Variants in CFAP74 observed in about 807,000 individuals in gnomAD.
The protein encoded by CFAP74 is cilia and flagella associated protein 74, also known as cilia- and flagella-associated protein 74.
Under a neutral mutation model 188.9 loss-of-function variants are expected in CFAP74, and 124 were observed. The observed-to-expected ratio is 0.66, with a 90% CI of 0.57 to 0.76. CFAP74 has a LOEUF of 0.76. Among genes scored for constraint, CFAP74 ranks in the 30% least tolerant of loss-of-function variants. The pLI is 0.00. For missense variants in CFAP74, 2,198 were observed against 2,165.2 expected, an observed-to-expected ratio of 1.02 and a Z score of -0.30; for synonymous variants, 956 against 916.7, an observed-to-expected ratio of 1.04 and a Z score of -0.77.
chr1:1,944,331 C>T lies in CFAP74; in HGVS notation c.2486G>A (p.Arg829Gln), dbSNP rs543179421. 3.6e-5 allele frequency: 55 copies of T among 1,534,936 alleles called. No individual in the cohort carries two copies. The highest frequency in any genetic ancestry group is 4.2e-5 in the Non-Finnish European group (48 of 1,146,672). Reference sequence around the variant, plus strand: ...TGTGCATGGACAGGAGGGGGCTCACCGCGTGTGCACGAGCACAGAGTCCTG... The same window carrying T: ...TGTGCATGGACAGGAGGGGGCTCACTGCGTGTGCACGAGCACAGAGTCCTG... Reference protein sequence around the residue: ...LYQDSVLVHTRSKAALRLKFE... With the variant: ...LYQDSVLVHTQSKAALRLKFE... The change falls in exon 21 of 39, where the codon CGG becomes CAG. Residue 829 changes from arginine to glutamine, a missense_variant and splice_region_variant. Coordinates refer to ENST00000682832, the MANE Select transcript of CFAP74 (RefSeq NM_001304360.2).
intron 27 of CFAP74, 167 bp from the exon 28 acceptor site, chr1:1,927,913 G>A: frequency 1.5e-6 from 1 of 679,676 alleles, no homozygotes; most frequent in Non-Finnish European, 2.4e-6. Context: ...AGCCAGTGCG[G>A]AGGGGCACAC....
At chr1:1,966,236 T>G (rs574695367) in intron 12 of CFAP74, 135 bp downstream of exon 12, 1 of 764,528 alleles carries the variant, frequency 1.3e-6, no homozygotes, top group Non-Finnish European at 2.0e-6. Context: ...CAGGAGAGGG[T>G]GGCGGGAGAT....
intron 25 of CFAP74, among the ~76,000 whole-genome samples, chr1:1,935,867 T>TACACACACACACACACACACAC (rs35582265): frequency 1.5e-4 from 22 of 147,882 alleles, no homozygotes; most frequent in African/African-American, 4.7e-4. Context: ...TTTTCAGCAC[T>TACACACACACACACACACACAC]ACACACACAC....
chr1:1,965,013 C>G lies in CFAP74; in HGVS notation c.1450G>C (p.Asp484His). Reference sequence around the variant, plus strand: ...ACCGTGCGCTCCAGGATGTCCTTGTCCATCTTTGTCCCGCCCACGGGCTTT... The same window carrying G: ...ACCGTGCGCTCCAGGATGTCCTTGTGCATCTTTGTCCCGCCCACGGGCTTT... The part of the protein sequence containing the change: ...DRKPVGGTKM[D>H]KDILERTVER... The change falls in exon 13 of 39, where the codon GAC becomes CAC. Residue 484 changes from aspartate (D) to histidine (H), a missense_variant. By Grantham distance (81) the Asp-to-His change is moderately conservative. Coordinates refer to ENST00000682832, the MANE Select transcript of CFAP74 (RefSeq NM_001304360.2). The G allele has an allele frequency of 6.2e-7, 1 of 1,613,884 alleles. No individual in the cohort carries two copies. The highest frequency in any genetic ancestry group is 8.5e-7 in the Non-Finnish European group (1 of 1,179,904).
rs762956901 is a variant in CFAP74 at position 1,972,096 on chromosome 1, T to C, written c.786-14A>G. 6 of 1,599,370 alleles carry C rather than the reference T, an allele frequency of 3.8e-6. No individual in the cohort carries two copies. In the Admixed American group the frequency reaches 5.0e-5, roughly 13 times the overall value. Reference sequence around the variant, plus strand: ...TGCTCTCGGATTCTGAGGAAGGACATTTAAACATTTTTGAGGCTCTGTCGC... The same window carrying C: ...TGCTCTCGGATTCTGAGGAAGGACACTTAAACATTTTTGAGGCTCTGTCGC... On this transcript the variant is annotated splice_polypyrimidine_tract_variant and intron_variant, in intron 8 of 38. Coordinates refer to ENST00000682832, the MANE Select transcript of CFAP74 (RefSeq NM_001304360.2).
intron 16 of CFAP74, among the ~76,000 whole-genome samples, chr1:1,958,342 G>A (rs1335225009): frequency 6.6e-6 from 1 of 152,238 alleles, no homozygotes; most frequent in Non-Finnish European, 1.5e-5. Flanking sequence ...TGTGAGACTT[G>A]CCTTGACCTG....
chr1:1,993,888 A>G (rs1046250727), intron 1 of CFAP74, among the ~76,000 whole-genome samples: 4 of 151,142 alleles, frequency 2.6e-5, no homozygotes, highest in South Asian at 4.2e-4. Context: ...AGGCTGAGGC[A>G]GGAGAATGGC....
chr1:1,979,643 A>G (rs1372582775), intron 6 of CFAP74, among the ~76,000 whole-genome samples: 1 of 129,218 alleles, frequency 7.7e-6, no homozygotes, highest in Non-Finnish European at 1.7e-5. Flanking sequence ...GGCTGCGCAG[A>G]ACACGTGTGT....
At position 1,922,711 on chromosome 1, in the gene CFAP74, T is replaced by C; in HGVS notation, c.4696A>G (p.Ser1566Gly). The C allele has an allele frequency of 6.2e-7, 1 of 1,602,508 alleles. No individual in the cohort carries two copies. The highest frequency in any genetic ancestry group is 8.5e-7 in the Non-Finnish European group (1 of 1,173,906). Residue 1566 changes from serine (S) to glycine (G), a missense_variant, in exon 38 of 39, where the codon AGC becomes GGC. Transcript: ENST00000682832. ...TGCAGGGATGCGACGCTGTCTATGC[T>C]GAACTCAACGGTCTGTGGGGTATGG... is the stretch of plus-strand genomic sequence containing the variant. ...QPSPKKTVEF[S>G]IDSVASLQHK... is the part of the protein sequence containing the mutation.
chr1:1,968,567 G>A lies in CFAP74; in HGVS notation c.1245+68C>T. The A allele has an allele frequency of 7.3e-7, 1 of 1,378,248 alleles. No homozygotes were observed. Among genetic ancestry groups the A allele is most frequent in the South Asian group, 1.3e-5 (1 of 79,324 alleles). The allele number at this position is 1,378,248 out of a possible 1,614,324, so 85.4% of individuals were successfully genotyped here. ...CCTCAGAGGATGTCTCACCACACCT[G>A]AGCCCTGAGGCCCCACCTGCCCTCC... On this transcript the variant is annotated intron_variant, in intron 11 of 38. Transcript: ENST00000682832. The surrounding 1 kb of genome is among the most constrained non-coding windows in gnomAD (Gnocchi z 4.3).
intron 25 of CFAP74, among the ~76,000 whole-genome samples, chr1:1,936,181 C>A (rs551829971): frequency 1.3e-5 from 2 of 148,214 alleles, no homozygotes; most frequent in Admixed American, 6.8e-5. Context: ...TGCGCCATTG[C>A]ACTCCAGCCT....
chr1:1,941,937 G>A, intron 22 of CFAP74, 91 bp downstream of exon 22: 2 of 1,276,156 alleles, frequency 1.6e-6, no homozygotes, highest in Non-Finnish European at 2.0e-6. Flanking sequence ...CGGCAGCAAT[G>A]AGAACAGAGG....
intron 6 of CFAP74, among the ~76,000 whole-genome samples, chr1:1,978,249 A>C (rs1341094530): frequency 6.6e-6 from 1 of 152,124 alleles, no homozygotes; most frequent in Non-Finnish European, 1.5e-5. Context: ...ACCGAGGGGC[A>C]CTCCGGACTG....
Position 1,922,267 on chromosome 1 carries a change from A to G in CFAP74, c.*20T>C. ...CTTTGAGGGTGGACAGGAGGGCCCG[A>G]GGGTGCTCTGTGCAGAGGCTTAGGG... On this transcript the variant is annotated 3_prime_UTR_variant, in exon 39 of 39. Transcript: ENST00000682832. The G allele has an allele frequency of 6.3e-7, 1 of 1,593,908 alleles. No homozygotes were observed. The highest frequency in any genetic ancestry group is 8.6e-7 in the Non-Finnish European group (1 of 1,165,244).
chr1:1,976,834 T>C (rs76578527), intron 6 of CFAP74, among the ~76,000 whole-genome samples: 20,634 of 150,696 alleles, frequency 0.14, 4,231 homozygotes, highest in African/African-American at 0.45. Context: ...TGAGTCACTG[T>C]GTCTGGCCCA....
intron 5 of CFAP74, among the ~76,000 whole-genome samples, chr1:1,986,235 A>C (rs1657227273): frequency 6.6e-6 from 1 of 152,178 alleles, no homozygotes; most frequent in South Asian, 2.1e-4. Context: ...ATACAAAAAA[A>C]AATTAGCCAG....
chr1:1,928,916 C>T (rs1424972522), intron 26 of CFAP74, 34 bp from the exon 27 acceptor site: 1 of 1,428,232 alleles, frequency 7.0e-7, no homozygotes, highest in South Asian at 1.2e-5. Flanking sequence ...CAGGGGTTGC[C>T]ACTTCCCTCC....
At position 1,928,875 on chromosome 1, in the gene CFAP74, A is replaced by G. The variant is rs919301057; in HGVS notation, c.3296T>C (p.Leu1099Pro). 1 of 1,535,416 alleles carries G rather than the reference A, an allele frequency of 6.5e-7. No individual in the cohort carries two copies. The highest frequency in any genetic ancestry group is 8.7e-7 in the Non-Finnish European group (1 of 1,146,508). Reference protein sequence around the residue: ...VGTVWPGKRCLVQVAFRPVLP... With the variant: ...VGTVWPGKRCPVQVAFRPVLP... ...CACTGGCCGGAAGGCCACCTGGACC[A>G]GGCACCTCTGAGGAGAGACCAGCGT... Residue 1099 changes from leucine to proline, a missense_variant, in exon 27 of 39, where the codon CTG (leucine) becomes CCG (proline). Transcript: ENST00000682832.
intron 6 of CFAP74, chr1:1,984,315 T>A (rs1052404585): frequency 2.0e-5 from 3 of 152,082 alleles, no homozygotes; most frequent in African/African-American, 7.2e-5. Context: ...TTTTTTTTTT[T>A]TTTTAAAGAA....
Sources: allele counts gnomAD v4.1 joint callset (sites outside exome capture counted in the v4.1 genomes callset), GRCh38; gene constraint gnomAD v4.1.1; non-coding constraint Gnocchi (gnomAD v3.1); transcripts MANE v1.5; gene names NCBI Gene and HGNC (gene_info 2026-07-23, HGNC 2026-07-21).